Variants in JPH1 observed in about 807,000 individuals in gnomAD.
JPH1 encodes the protein junctophilin 1.
In JPH1, 12 loss-of-function variants were observed where a neutral mutation model predicts 53.6. That is an observed-to-expected ratio of 0.22 (90% CI 0.14 to 0.36). The LOEUF is 0.36. Ranked by LOEUF, JPH1 falls within the 10% of genes least tolerant of loss-of-function variation. The pLI is 1.00. For missense variants in JPH1, 808 were observed against 905.5 expected (o/e 0.89, Z 1.38); for synonymous variants, 375 against 363.8 (o/e 1.03, Z -0.35).
At chr8:74,304,725 A>C (rs964339086) in intron 2 of JPH1, among the ~76,000 whole-genome samples, 1 of 152,200 alleles carries the variant, frequency 6.6e-6, no homozygotes, top group African/African-American at 2.4e-5. Context: ...AAGTCACCAA[A>C]ATTTTTACCA....
chr8:74,237,397 A>G lies in JPH1; in HGVS notation c.1906-94T>C, dbSNP rs527255777. 17 of 978,802 alleles carry G rather than the reference A, an allele frequency of 1.7e-5. No individual in the cohort carries two copies. The African/African-American group carries it at 2.6e-4, about 15-fold the overall frequency. The allele number at this position is 978,802 out of a possible 1,614,324, so 60.6% of individuals were successfully genotyped here. A position where few individuals can be genotyped will look rare whatever the true frequency, so the allele number is the denominator to read the frequency against. ...TTACTGAAAAAATGAGAAAGTTAAC[A>G]TGATTGCAGTAAATAAGGCATAAAA... On this transcript the variant is annotated intron_variant, in intron 4 of 5. Coordinates refer to ENST00000342232, the MANE Select transcript of JPH1 (RefSeq NM_020647.4).
At chr8:74,297,539 C>T (rs1412493537) in intron 2 of JPH1, among the ~76,000 whole-genome samples, 1 of 152,126 alleles carries the variant, frequency 6.6e-6, no homozygotes, top group East Asian at 1.9e-4. Flanking sequence ...CGACTCCATG[C>T]AGTTAAAATG....
rs1045182419 is a variant in JPH1, at chr8:74,314,906, C to G, written c.1094G>C (p.Arg365Thr). Residue 365 changes from arginine (R) to threonine (T), a missense_variant, in exon 2 of 6, where the codon AGG becomes ACG. Arg to Thr is a moderately conservative substitution (Grantham distance 71). Coordinates refer to ENST00000342232, the MANE Select transcript of JPH1 (RefSeq NM_020647.4). ...KVDRAIEGAQ[R>T]AAAMARTKVE... The stretch of plus-strand genomic sequence containing the variant: ...TTTGGTTCTGGCCATGGCAGCTGCC[C>G]TTTGGGCGCCTTCAATTGCTCTGTC... 4 of 1,614,196 alleles carry G rather than the reference C, an allele frequency of 2.5e-6. No homozygotes were observed. The highest frequency in any genetic ancestry group is 3.4e-6 in the Non-Finnish European group (4 of 1,180,052).
intron 2 of JPH1, among the ~76,000 whole-genome samples, chr8:74,278,418 C>T (rs1806912375): frequency 6.6e-6 from 1 of 152,052 alleles, no homozygotes. Context: ...TGGAAGAGGC[C>T]CCACTCACCA....
intron 3 of JPH1, among the ~76,000 whole-genome samples, chr8:74,250,617 G>C (rs1360131693): frequency 6.6e-6 from 1 of 152,040 alleles, no homozygotes; most frequent in Non-Finnish European, 1.5e-5. Context: ...AGATTTTTTT[G>C]GTGATTTTGT....
intron 2 of JPH1, among the ~76,000 whole-genome samples, chr8:74,288,411 A>G (rs1421237553): frequency 6.6e-6 from 1 of 152,232 alleles, no homozygotes; most frequent in Non-Finnish European, 1.5e-5. Flanking sequence ...GTAAGCTCTC[A>G]ATTAACATCC....
intron 2 of JPH1, among the ~76,000 whole-genome samples, chr8:74,269,259 C>T (rs1242422028): frequency 6.6e-6 from 1 of 152,206 alleles, no homozygotes; most frequent in Non-Finnish European, 1.5e-5. Context: ...TGCCCAAAAC[C>T]ATTGCGCATC....
intron 2 of JPH1, among the ~76,000 whole-genome samples, chr8:74,270,536 A>G (rs577511735): frequency 6.6e-6 from 1 of 152,254 alleles, no homozygotes; most frequent in Non-Finnish European, 1.5e-5. Flanking sequence ...GTTTCTGTTT[A>G]GTACCCTTAA....
At chr8:74,244,303 C>T (rs1396496410) in intron 4 of JPH1, among the ~76,000 whole-genome samples, 2 of 152,146 alleles carry the variant, frequency 1.3e-5, no homozygotes, top group East Asian at 3.9e-4. Context: ...ACCTGAATTA[C>T]ATCTAAAGTG....
chr8:74,280,646 T>C (rs1301670715), intron 2 of JPH1, among the ~76,000 whole-genome samples: 2 of 152,174 alleles, frequency 1.3e-5, no homozygotes, highest in Admixed American at 6.5e-5. Context: ...CTACTGTGGA[T>C]TCAGCACACC....
intron 2 of JPH1, among the ~76,000 whole-genome samples, chr8:74,293,432 G>A (rs1807399547): frequency 6.6e-6 from 1 of 152,128 alleles, no homozygotes; most frequent in Admixed American, 6.5e-5. Flanking sequence ...GTGAGGAGGT[G>A]CCACTAACTA....
Position 74,236,592 on chromosome 8 carries a change from C to T in JPH1, c.*459G>A, listed in dbSNP as rs1451907795. ...CCTCCGACCGCATTCCTCGGGCAGT[C>T]GTTTCCCCAGCTCCCTACTAAAAAC... On this transcript the variant is annotated 3_prime_UTR_variant, in exon 6 of 6. Coordinates refer to ENST00000342232, the MANE Select transcript of JPH1 (RefSeq NM_020647.4). 2 of 151,626 alleles carry T rather than the reference C, an allele frequency of 1.3e-5. No individual in the cohort carries two copies. The highest frequency in any genetic ancestry group is 2.9e-5 in the Non-Finnish European group (2 of 67,920). 9.4% of individuals were successfully genotyped at this position (151,626 alleles called of 1,614,324 possible). A position where few individuals can be genotyped will look rare whatever the true frequency, so the allele number is the denominator to read the frequency against.
At chr8:74,266,878 A>G (rs1472313494) in intron 2 of JPH1, among the ~76,000 whole-genome samples, 1 of 152,192 alleles carries the variant, frequency 6.6e-6, no homozygotes, top group African/African-American at 2.4e-5. Flanking sequence ...ATGTATAGCA[A>G]TAACTGATGG....
At chr8:74,237,154 G>T in intron 5 of JPH1, 54 bp downstream of exon 5, 1 of 1,197,774 alleles carries the variant, frequency 8.3e-7, no homozygotes, top group Non-Finnish European at 1.2e-6. Flanking sequence ...ATTTGCATAT[G>T]AGAAAAGAAT....
At chr8:74,310,148 C>T (rs1807949177) in intron 2 of JPH1, among the ~76,000 whole-genome samples, 2 of 152,124 alleles carry the variant, frequency 1.3e-5, no homozygotes, top group Admixed American at 1.3e-4. Context: ...AGAGTAGCAT[C>T]TTCATCTAAG....
chr8:74,258,317 A>G (rs1806296307), intron 3 of JPH1, among the ~76,000 whole-genome samples: 1 of 152,258 alleles, frequency 6.6e-6, no homozygotes, highest in African/African-American at 2.4e-5. Flanking sequence ...GCCTCAAACA[A>G]TCACGGAGAA....
At chr8:74,254,890 A>C (rs1222997081) in intron 3 of JPH1, among the ~76,000 whole-genome samples, 1 of 152,192 alleles carries the variant, frequency 6.6e-6, no homozygotes, top group Non-Finnish European at 1.5e-5. Context: ...CAATGAAATA[A>C]AAGAGGACAC....
intron 2 of JPH1, among the ~76,000 whole-genome samples, chr8:74,310,720 T>A (rs569214634): frequency 4.4e-4 from 67 of 152,196 alleles, no homozygotes; most frequent in Non-Finnish European, 8.7e-4. Flanking sequence ...AGACAGTTTG[T>A]TCTGTGTCTC....
intron 4 of JPH1, among the ~76,000 whole-genome samples, chr8:74,239,237 A>C (rs1441509468): frequency 2.0e-5 from 3 of 151,868 alleles, no homozygotes; most frequent in African/African-American, 7.3e-5. Flanking sequence ...CATTTTACAG[A>C]GCTTAAGAGG....
Sources: gnomAD v4.1 joint callset for allele counts (sites outside exome capture counted in the v4.1 genomes callset) on GRCh38, gnomAD v4.1.1 for gene constraint, MANE v1.5 for transcripts, NCBI Gene and HGNC (gene_info 2026-07-23, HGNC 2026-07-21) for gene names.